IL24: variants seen among roughly 807,000 people sequenced by gnomAD.
IL24 encodes the protein interleukin 24, also known as interleukin-24.
IL24 carries 24 observed loss-of-function variants against 27.6 expected under a neutral mutation model. The ratio of observed to expected loss-of-function variants is 0.87; its 90% CI spans 0.63 to 1.22. IL24 has a LOEUF of 1.22. Among genes scored for constraint, IL24 ranks in the 50% most tolerant of loss-of-function variants. The pLI, the probability that IL24 is intolerant of heterozygous loss-of-function variation, is 0.00. For missense variants in IL24, 240 were observed against 237.0 expected, an observed-to-expected ratio of 1.01 and a Z score of -0.08; for synonymous variants, 99 against 93.1, an observed-to-expected ratio of 1.06 and a Z score of -0.36.
At chr1:206,898,806 T>C (rs291109) in intron 2 of IL24, among the ~76,000 whole-genome samples, 83,266 of 151,954 alleles carry the variant, frequency 0.55, 24,731 homozygotes, top group African/African-American at 0.78. Context: ...ATTAACCCCT[T>C]GCTCCCTTGT....
In IL24 at chr1:206,903,857, A is replaced by G. The variant is rs963726691; in HGVS notation, c.*798A>G. 5.3e-5 allele frequency: 8 copies of G among 152,324 alleles called. No individual in the cohort carries two copies. The highest frequency in any genetic ancestry group is 1.9e-4 in the African/African-American group (8 of 41,436). 9.4% of individuals were successfully genotyped at this position (152,324 alleles called of 1,614,324 possible). A position where few individuals can be genotyped will look rare whatever the true frequency, so the allele number is the denominator to read the frequency against. On this transcript the variant is annotated 3_prime_UTR_variant, in exon 7 of 7. Transcript: ENST00000294984. Reference sequence around the variant, plus strand: ...ACATTCCCTGCTAATAAAAGACAACATAACTCAAGTCTGGCAGACTTTCTT... The same window carrying G: ...ACATTCCCTGCTAATAAAAGACAACGTAACTCAAGTCTGGCAGACTTTCTT...
intron 6 of IL24, chr1:206,902,560 C>T (rs1030443846): frequency 1.5e-5 from 14 of 950,250 alleles, no homozygotes; most frequent in Admixed American, 7.8e-5. Context: ...TAAATGATTT[C>T]GATCACTTTT....
Position 206,897,933 on chromosome 1 carries a change from A to C in IL24, c.44+57A>C, listed in dbSNP as rs1678223116. On this transcript the variant is annotated intron_variant, in intron 2 of 6. Coordinates refer to ENST00000294984, the MANE Select transcript of IL24 (RefSeq NM_006850.3). ...TTTGGGAGGCTGAGGTGGGCAGATC[A>C]TTTAAGGTCAGGAGTTCGAGACCAG... 2.6e-6 allele frequency: 3 copies of C among 1,172,186 alleles called. No individual in the cohort carries two copies. The South Asian group carries it at 4.0e-5, about 16-fold the overall frequency. The allele number at this position is 1,172,186 out of a possible 1,614,324, so 72.6% of individuals were successfully genotyped here.
intron 2 of IL24, 85 bp downstream of exon 2, chr1:206,897,961 T>C: frequency 1.3e-6 from 1 of 746,258 alleles, no homozygotes; most frequent in Non-Finnish European, 2.2e-6. Context: ...GAGACCAGCC[T>C]GGCCAACATG....
chr1:206,902,561 G>A (rs953598181), intron 6 of IL24: 30 of 947,318 alleles, frequency 3.2e-5, no homozygotes, highest in South Asian at 1.9e-4. Context: ...AAATGATTTC[G>A]ATCACTTTTT....
rs1438890743 is a variant in IL24, at chr1:206,901,651, G to A, written c.461G>A (p.Ser154Asn). Residue 154 changes from serine to asparagine, a missense_variant and splice_region_variant, in exon 5 of 7, where the codon AGT (serine) becomes AAT (asparagine). By Grantham distance (46) the Ser-to-Asn change is conservative (BLOSUM62 1). Coordinates refer to ENST00000294984, the MANE Select transcript of IL24 (RefSeq NM_006850.3). ...CTCATCGTGTCACAACTGCAACCCA[G>A]TGTGAGTAGCACACGCTCTGGATAC... Reference protein sequence around the residue: ...FVLIVSQLQPSQENEMFSIRD... With the variant: ...FVLIVSQLQPNQENEMFSIRD... 2.5e-6 allele frequency: 4 copies of A among 1,612,732 alleles called. No individual in the cohort carries two copies. Among genetic ancestry groups the A allele is most frequent in the Non-Finnish European group, 3.4e-6 (4 of 1,178,964 alleles).
chr1:206,900,275 TTTTC>T lies in IL24; in HGVS notation c.241-14_241-11del, dbSNP rs758484191. The T allele has an allele frequency of 2.5e-6, 4 of 1,613,232 alleles. No homozygotes were observed. The South Asian group carries it at 3.3e-5, about 13-fold the overall frequency. ...TGCTGACCCCTAACCTGGAGACGTCTTTTCTTTCTGTTTGCCAAGCAAGCTCAGG... is the reference window on the plus strand; with the variant it reads ...TGCTGACCCCTAACCTGGAGACGTCTTTTCTGTTTGCCAAGCAAGCTCAGG... On this transcript the variant is annotated splice_polypyrimidine_tract_variant and intron_variant, in intron 3 of 6. Coordinates refer to ENST00000294984, the MANE Select transcript of IL24 (RefSeq NM_006850.3).
At chr1:206,902,257 T>C in intron 6 of IL24, 185 bp downstream of exon 6, 2 of 985,382 alleles carry the variant, frequency 2.0e-6, no homozygotes, top group Non-Finnish European at 2.4e-6. Context: ...TAAGTGGTCT[T>C]TTTTCTTCCA....
chr1:206,899,227 T>C, intron 2 of IL24, 93 bp from the exon 3 acceptor site: 9 of 1,320,416 alleles, frequency 6.8e-6, no homozygotes, highest in Non-Finnish European at 9.4e-6. Context: ...GTGCTCGAGA[T>C]TGGCCCGGGG....
chr1:206,901,451 T>C (rs769044580), intron 4 of IL24, 43 bp from the exon 5 acceptor site: 2 of 1,575,116 alleles, frequency 1.3e-6, no homozygotes, highest in Middle Eastern at 1.9e-4. Context: ...GGGGTCAGGG[T>C]GGGCAGAGGC....
At chr1:206,901,894 C>T in intron 5 of IL24, 104 bp from the exon 6 acceptor site, 2 of 1,219,124 alleles carry the variant, frequency 1.6e-6, no homozygotes, top group South Asian at 1.3e-5. Context: ...GCCCTGGGCT[C>T]TCAGGCTTTG....
In IL24 at chr1:206,901,716, G is replaced by A. The variant is rs901785351; in HGVS notation, c.462+64G>A. Reference sequence around the variant, plus strand: ...TCAAGTCTAGGTCTGCTTCCAATCTGCTGGGTGACCCTCTGCAAAGTCCTC... The same window carrying A: ...TCAAGTCTAGGTCTGCTTCCAATCTACTGGGTGACCCTCTGCAAAGTCCTC... On this transcript the variant is annotated intron_variant, in intron 5 of 6. Transcript: ENST00000294984. 5 of 1,424,806 alleles carry A rather than the reference G, an allele frequency of 3.5e-6. No homozygotes were observed. In the African/African-American group the frequency reaches 4.3e-5, roughly 12 times the overall value. 88.3% of individuals were successfully genotyped at this position (1,424,806 alleles called of 1,614,324 possible).
intron 4 of IL24, 116 bp from the exon 5 acceptor site, chr1:206,901,378 T>G (rs1022439543): frequency 3.4e-6 from 4 of 1,189,458 alleles, no homozygotes; most frequent in Non-Finnish European, 4.6e-6. Context: ...CATCACCTTC[T>G]AGAAGATCCC....
intron 2 of IL24, among the ~76,000 whole-genome samples, chr1:206,898,472 A>G (rs1050863157): frequency 6.6e-6 from 1 of 151,974 alleles, no homozygotes; most frequent in Non-Finnish European, 1.5e-5. Context: ...AAGAAGGAAG[A>G]AAGAAAGGTA....
At position 206,899,343 on chromosome 1, in the gene IL24, C is replaced by A; in HGVS notation, c.68C>A (p.Ala23Glu). 1 of 1,614,042 alleles carries A rather than the reference C, an allele frequency of 6.2e-7. No individual in the cohort carries two copies. Among genetic ancestry groups the A allele is most frequent in the Non-Finnish European group, 8.5e-7 (1 of 1,179,950 alleles). Residue 23 changes from alanine (A) to glutamate (E), a missense_variant, in exon 3 of 7, where the codon GCG (alanine) becomes GAG (glutamate). Coordinates refer to ENST00000294984, the MANE Select transcript of IL24 (RefSeq NM_006850.3). ...AGACCCTTCTGCCCTCCTTTGCTGG[C>A]GACAGCCTCTCAAATGCAGATGGTT... The part of the protein sequence containing the change: ...LARPFCPPLL[A>E]TASQMQMVVL...
Position 206,902,980 on chromosome 1 carries a change from A to G in IL24, c.542A>G (p.Asp181Gly), listed in dbSNP as rs1202815845. ...LLFRRAFKQL[D>G]VEAALTKALG... ...TCAACCCTCTTTTCCCTTTAGTTGGACGTAGAAGCAGCTCTGACCAAAGCC... is the reference window on the plus strand; with the variant it reads ...TCAACCCTCTTTTCCCTTTAGTTGGGCGTAGAAGCAGCTCTGACCAAAGCC... The change falls in exon 7 of 7, where the codon GAC (aspartate) becomes GGC (glycine). Residue 181 changes from aspartate (D) to glycine (G), a missense_variant. Transcript: ENST00000294984. The G allele has an allele frequency of 6.2e-7, 1 of 1,614,122 alleles. No homozygotes were observed. Among genetic ancestry groups the G allele is most frequent in the Non-Finnish European group, 8.5e-7 (1 of 1,179,996 alleles).
In IL24 at chr1:206,902,332, T is replaced by G. The variant is rs1678423644; in HGVS notation, c.537+260T>G. On this transcript the variant is annotated intron_variant, in intron 6 of 6. Transcript: ENST00000294984. ...GATTTTACGAAAGGAACTTTCCCTG[T>G]GTTTTGTAGGTACTTGGGCTGGGCA... 3.0e-6 allele frequency: 3 copies of G among 985,280 alleles called. 1 individual carries two copies. In the South Asian group the frequency reaches 1.4e-4, roughly 46 times the overall value. 61.0% of individuals were successfully genotyped at this position (985,280 alleles called of 1,614,324 possible).
At chr1:206,902,200 C>A (rs932250692) in intron 6 of IL24, 128 bp downstream of exon 6, 167 of 1,428,698 alleles carry the variant, frequency 1.2e-4, no homozygotes, top group Non-Finnish European at 1.5e-4. Context: ...CTCCAAAGCC[C>A]CCTGACTTAG....
Position 206,899,447 on chromosome 1 carries a change from C to T in IL24, c.172C>T (p.Pro58Ser). 1 of 1,613,982 alleles carries T rather than the reference C, an allele frequency of 6.2e-7. No homozygotes were observed. Among genetic ancestry groups the T allele is most frequent in the Non-Finnish European group, 8.5e-7 (1 of 1,179,904 alleles). Residue 58 changes from proline (P) to serine (S), a missense_variant, in exon 3 of 7, where the codon CCC (proline) becomes TCC (serine). Pro to Ser is a moderately conservative substitution (Grantham distance 74). Transcript: ENST00000294984. ...CCAGGGCCAAGAATTCCACTTTGGGCCCTGCCAAGTGAAGGGGGTTGTTCC... is the reference window on the plus strand; with the variant it reads ...CCAGGGCCAAGAATTCCACTTTGGGTCCTGCCAAGTGAAGGGGGTTGTTCC... ...GAQGQEFHFGPCQVKGVVPQK... is the reference protein window; with the variant it reads ...GAQGQEFHFGSCQVKGVVPQK...
Sources: gnomAD v4.1 joint callset for allele counts (sites outside exome capture counted in the v4.1 genomes callset) on GRCh38, gnomAD v4.1.1 for gene constraint, MANE v1.5 for transcripts, NCBI Gene and HGNC (gene_info 2026-07-23, HGNC 2026-07-21) for gene names.